Variants in RPS6KC1 observed in about 807,000 individuals in gnomAD.
RPS6KC1 encodes the protein inactive ribosomal protein S6 kinase delta-1.
A neutral mutation model predicts 103.8 loss-of-function variants in RPS6KC1; 54 were observed. The observed-to-expected ratio is 0.52, with a 90% CI of 0.42 to 0.65. The LOEUF is 0.65. Among genes scored for constraint, RPS6KC1 ranks in the 30% least tolerant of loss-of-function variants. The pLI, the probability that RPS6KC1 is intolerant of heterozygous loss-of-function variation, is 0.00. For synonymous variants in RPS6KC1, 439 were observed against 438.7 expected (o/e 1.00, Z -0.01); for missense variants, 1,151 against 1,253.8 (o/e 0.92, Z 1.24).
chr1:213,567,440 C>T, the RPS6KC1 span, among the ~76,000 whole-genome samples: 1 of 152,210 alleles, frequency 6.6e-6, no homozygotes, highest in South Asian at 2.1e-4. Context: ...AATCTGGCAG[C>T]TCTCCCACAG....
the RPS6KC1 span, among the ~76,000 whole-genome samples, chr1:213,469,049 C>T: frequency 6.6e-6 from 1 of 152,180 alleles, no homozygotes; most frequent in Admixed American, 6.5e-5. Flanking sequence ...GATTTGCTGT[C>T]TTGGTAATCC....
chr1:213,601,986 C>CTT, the RPS6KC1 span, among the ~76,000 whole-genome samples: 1 of 31,004 alleles, frequency 3.2e-5, no homozygotes, highest in Admixed American at 4.6e-4. Context: ...CTTCCTCTCT[C>CTT]TCTTTCTTTC....
At chr1:213,642,885 G>T in the RPS6KC1 span, among the ~76,000 whole-genome samples, 459 of 151,848 alleles carry the variant, frequency 3.0e-3, 1 homozygote, top group African/African-American at 0.01. Flanking sequence ...TGGTAGGGAG[G>T]TAGCGTATTT....
At chr1:213,152,833 G>A (rs901208118) in intron 6 of RPS6KC1, among the ~76,000 whole-genome samples, 2 of 152,180 alleles carry the variant, frequency 1.3e-5, no homozygotes, top group East Asian at 1.9e-4. Flanking sequence ...CTTCCCAGAC[G>A]GGGTGGCGGC....
intron 6 of RPS6KC1, among the ~76,000 whole-genome samples, chr1:213,137,752 G>GCTCTCTCTCTCT (rs149436919): frequency 0.11 from 1,276 of 12,098 alleles, 172 homozygotes; most frequent in Non-Finnish European, 0.19. Flanking sequence ...AGTCCAGTTT[G>GCTCTCTCTCTCT]CTCTCTCTCT....
intron 8 of RPS6KC1, among the ~76,000 whole-genome samples, chr1:213,200,852 A>T (rs991923276): frequency 2.0e-5 from 3 of 152,206 alleles, no homozygotes; most frequent in African/African-American, 7.2e-5. Context: ...ACATGCAGCC[A>T]ACAATCTTAT....
chr1:213,266,687 A>C (rs2094918412), intron 14 of RPS6KC1, among the ~76,000 whole-genome samples: 1 of 152,072 alleles, frequency 6.6e-6, no homozygotes, highest in Non-Finnish European at 1.5e-5. Flanking sequence ...CGGGTGGATC[A>C]CCTGAGGTCA....
At chr1:213,795,446 T>A in the RPS6KC1 span, among the ~76,000 whole-genome samples, 8 of 152,340 alleles carry the variant, frequency 5.3e-5, no homozygotes, top group East Asian at 5.8e-4. Context: ...TATGTCAGGA[T>A]CTAAATGAAT....
chr1:213,735,676 A>G, the RPS6KC1 span, among the ~76,000 whole-genome samples: 1 of 152,218 alleles, frequency 6.6e-6, no homozygotes, highest in African/African-American at 2.4e-5. Context: ...AGTACAAATG[A>G]AGGGGGAGGA....
At chr1:213,061,199 A>G (rs2077807835) in intron 1 of RPS6KC1, among the ~76,000 whole-genome samples, 1 of 152,228 alleles carries the variant, frequency 6.6e-6, no homozygotes, top group Non-Finnish European at 1.5e-5. Flanking sequence ...CATGAAATTC[A>G]ATATGAATTT....
the RPS6KC1 span, among the ~76,000 whole-genome samples, chr1:213,825,993 T>TATATCC: frequency 4.6e-5 from 7 of 152,190 alleles, no homozygotes; most frequent in African/African-American, 1.4e-4. Flanking sequence ...ATTACCCAGA[T>TATATCC]ATATCCACCA....
chr1:213,624,217 G>A, the RPS6KC1 span, among the ~76,000 whole-genome samples: 2 of 152,144 alleles, frequency 1.3e-5, no homozygotes, highest in Non-Finnish European at 2.9e-5. Context: ...TAAAGGGCTG[G>A]CATATGATAC....
At chr1:213,625,595 A>G in the RPS6KC1 span, among the ~76,000 whole-genome samples, 809 of 152,196 alleles carry the variant, frequency 5.3e-3, 8 homozygotes, top group African/African-American at 0.019. Context: ...CGACCCCACA[A>G]CAGTCCCCGG....
At chr1:213,782,443 C>A in the RPS6KC1 span, among the ~76,000 whole-genome samples, 1 of 151,984 alleles carries the variant, frequency 6.6e-6, no homozygotes, top group Non-Finnish European at 1.5e-5. Flanking sequence ...CTGGTAAACA[C>A]CATTCCAGGG....
At chr1:213,121,393 G>A (rs1402772298) in intron 5 of RPS6KC1, among the ~76,000 whole-genome samples, 1 of 152,096 alleles carries the variant, frequency 6.6e-6, no homozygotes, top group East Asian at 1.9e-4. Context: ...ACAAAATATT[G>A]TTTTACATTT....
chr1:213,533,051 C>T, the RPS6KC1 span, among the ~76,000 whole-genome samples: 1 of 152,182 alleles, frequency 6.6e-6, no homozygotes, highest in Admixed American at 6.5e-5. Context: ...CTTCACTTGA[C>T]AGGCAGTGGG....
chr1:213,749,836 G>A, the RPS6KC1 span, among the ~76,000 whole-genome samples: 5 of 152,292 alleles, frequency 3.3e-5, 1 homozygote, highest in South Asian at 4.1e-4. Context: ...GCTATGAGAC[G>A]AGCGAACACA....
chr1:213,566,319 T>A, the RPS6KC1 span, among the ~76,000 whole-genome samples: 2 of 152,204 alleles, frequency 1.3e-5, no homozygotes, highest in Admixed American at 6.5e-5. Context: ...TTATTGAACA[T>A]CTTTTCTTTG....
chr1:213,672,061 C>G, the RPS6KC1 span, among the ~76,000 whole-genome samples: 2 of 152,186 alleles, frequency 1.3e-5, no homozygotes, highest in African/African-American at 4.8e-5. Context: ...CTTCTACTAT[C>G]CAAGGATAGG....
Sources: gnomAD v4.1 joint callset for allele counts (sites outside exome capture counted in the v4.1 genomes callset) on GRCh38, gnomAD v4.1.1 for gene constraint, MANE v1.5 for transcripts, NCBI Gene and HGNC (gene_info 2026-07-23, HGNC 2026-07-21) for gene names.